The following PLEKHG7 variants were observed in gnomAD, a reference collection of about 807,000 sequenced individuals.
The protein encoded by PLEKHG7 is pleckstrin homology and RhoGEF domain containing G7.
PLEKHG7 carries 77 observed loss-of-function variants against 85.2 expected under a neutral mutation model. The ratio of observed to expected loss-of-function variants is 0.90; its 90% confidence interval spans 0.75 to 1.09. The LOEUF (loss-of-function observed/expected upper bound fraction) is 1.09. PLEKHG7 is among the 50% of genes least tolerant of loss of function. The pLI is 0.00. For missense variants in PLEKHG7, 777 were observed against 804.3 expected (o/e 0.97, Z 0.41); for synonymous variants, 301 against 302.4 (o/e 1.00, Z 0.05).
chr12:92,725,869 A>G (rs1380867728), intron 3 of PLEKHG7, among the ~76,000 whole-genome samples: 1 of 152,206 alleles, frequency 6.6e-6, no homozygotes, highest in Non-Finnish European at 1.5e-5. Context: ...CTCAAAAGTA[A>G]TTGTTCTCTA....
rs1196025219 is a variant in PLEKHG7, at chr12:92,761,627, A to AAAGAAAGAAAG, written c.1637-122_1637-112dup. 15 of 79,364 alleles carry AAAGAAAGAAAG rather than the reference A, an allele frequency of 1.9e-4. No homozygotes were observed. The African/African-American group carries it at 3.6e-3, about 19-fold the overall frequency. 4.9% of individuals were successfully genotyped at this position (79,364 alleles called of 1,614,324 possible). A position where few individuals can be genotyped will look rare whatever the true frequency, so the allele number is the denominator to read the frequency against. On this transcript the variant is annotated intron_variant, in intron 13 of 16. Transcript: ENST00000344636. ...AAAGAAAAAGAAAGAAAGAAAGAAGAAAGAAAGAAAGAAAGAAAGAAAGAA... is the reference window on the plus strand; with the variant it reads ...AAAGAAAAAGAAAGAAAGAAAGAAGAAAGAAAGAAAGAAGAAAGAAAGAAAGAAAGAAAGAA...
intron 3 of PLEKHG7, chr12:92,721,530 G>A (rs1443229532): frequency 3.8e-6 from 4 of 1,058,218 alleles, no homozygotes; most frequent in Non-Finnish European, 4.8e-6. Context: ...CAGGGTTAGT[G>A]AAAGAGTGGC....
intron 10 of PLEKHG7, among the ~76,000 whole-genome samples, chr12:92,751,737 G>T (rs1046735031): frequency 1.3e-5 from 2 of 151,984 alleles, no homozygotes; most frequent in African/African-American, 2.4e-5. Flanking sequence ...AAAACATCCA[G>T]CTGAGCCAGG....
At chr12:92,721,429 G>A in intron 3 of PLEKHG7, 1 of 1,223,426 alleles carries the variant, frequency 8.2e-7, no homozygotes, top group Non-Finnish European at 1.0e-6. Flanking sequence ...ATAGAATAAG[G>A]AGACGTTCTG....
At chr12:92,737,567 G>T (rs1872195242) in intron 7 of PLEKHG7, 46 bp downstream of exon 7, 1 of 1,562,972 alleles carries the variant, frequency 6.4e-7, no homozygotes, top group Non-Finnish European at 8.7e-7. Context: ...ATATTAATTT[G>T]TTTTTTTGGG....
intron 4 of PLEKHG7, among the ~76,000 whole-genome samples, chr12:92,729,828 G>A (rs1288680461): frequency 6.6e-6 from 1 of 152,154 alleles, no homozygotes; most frequent in East Asian, 1.9e-4. Flanking sequence ...TCCAGGTGAA[G>A]TTGCAATGCT....
Position 92,745,508 on chromosome 12 carries a change from C to T in PLEKHG7, c.1168C>T (p.Gln390Ter). 4 of 1,613,930 alleles carry T rather than the reference C, an allele frequency of 2.5e-6. No individual in the cohort carries two copies. Among genetic ancestry groups the T allele is most frequent in the Non-Finnish European group, 3.4e-6 (4 of 1,179,838 alleles). The change falls in exon 10 of 17, where the codon CAG becomes TAG. Residue 390 changes from glutamine to a stop codon, truncating the protein, a stop_gained. Transcript: ENST00000344636. LOFTEE classifies it high-confidence loss of function. ...YFRGSLCQSHQTYCLNYSAAI... is the reference protein window; with the variant it reads ...YFRGSLCQSH ...CCGAGGGAGTCTCTGTCAGAGCCAC[C>T]AGACCTACTGCCTGAACTATTCAGC...
At chr12:92,739,060 A>AG (rs1198245294) in intron 7 of PLEKHG7, among the ~76,000 whole-genome samples, 1 of 152,206 alleles carries the variant, frequency 6.6e-6, no homozygotes, top group Non-Finnish European at 1.5e-5. Context: ...ACAAAACAAA[A>AG]CAAAACAACA....
In PLEKHG7 at chr12:92,764,065, T is replaced by A; in HGVS notation, c.1741T>A (p.Leu581Ile). The A allele has an allele frequency of 6.2e-7, 1 of 1,609,958 alleles. No homozygotes were observed. Among genetic ancestry groups the A allele is most frequent in the Non-Finnish European group, 8.5e-7 (1 of 1,177,834 alleles). The change falls in exon 15 of 17, where the codon TTA becomes ATA. Residue 581 changes from leucine (L) to isoleucine (I), a missense_variant. Coordinates refer to ENST00000344636, the MANE Select transcript of PLEKHG7 (RefSeq NM_001377329.1). ...GAAACTTGGAGGCTCAGACCCTGGT[T>A]TAATGTGTCCTTCTCTTACTCCTGA... Reference protein sequence around the residue: ...KKKLGGSDPGLMCPSLTPELQ... With the variant: ...KKKLGGSDPGIMCPSLTPELQ...
At chr12:92,734,548 C>T (rs572783137) in intron 5 of PLEKHG7, among the ~76,000 whole-genome samples, 2 of 152,288 alleles carry the variant, frequency 1.3e-5, no homozygotes, top group East Asian at 3.9e-4. Flanking sequence ...CCTGAGGACA[C>T]ACAGCTCATA....
At chr12:92,716,300 G>T (rs568429540) in intron 3 of PLEKHG7, among the ~76,000 whole-genome samples, 1 of 152,240 alleles carries the variant, frequency 6.6e-6, no homozygotes, top group South Asian at 2.1e-4. Context: ...TTTCGTCATT[G>T]TTGGCCAGGC....
intron 13 of PLEKHG7, among the ~76,000 whole-genome samples, chr12:92,760,660 A>G (rs1285110210): frequency 6.6e-6 from 1 of 152,102 alleles, no homozygotes; most frequent in Non-Finnish European, 1.5e-5. Context: ...TCTAATTTCT[A>G]AGGGATAGAG....
At chr12:92,735,648 T>C (rs1872123787) in intron 5 of PLEKHG7, among the ~76,000 whole-genome samples, 1 of 152,224 alleles carries the variant, frequency 6.6e-6, no homozygotes, top group African/African-American at 2.4e-5. Flanking sequence ...AAATGAACTC[T>C]TTAAGTGGGC....
intron 3 of PLEKHG7, among the ~76,000 whole-genome samples, chr12:92,721,807 G>A (rs756968319): frequency 6.0e-5 from 9 of 149,926 alleles, no homozygotes; most frequent in East Asian, 2.0e-4. Context: ...GTACTTACAC[G>A]GTGACAATGG....
chr12:92,762,468 G>A (rs1379658393), intron 14 of PLEKHG7, among the ~76,000 whole-genome samples: 1 of 152,126 alleles, frequency 6.6e-6, no homozygotes, highest in African/African-American at 2.4e-5. Context: ...AGGGAATAGG[G>A]ATTTTTTTCA....
rs373190285 is a variant in PLEKHG7 at position 92,707,061 on chromosome 12, T to G, written c.430T>G (p.Ser144Ala). The change falls in exon 2 of 17, where the codon TCC (serine) becomes GCC (alanine). Residue 144 changes from serine to alanine, a missense_variant. Coordinates refer to ENST00000344636, the MANE Select transcript of PLEKHG7 (RefSeq NM_001377329.1). ...PPELQPVNEG[S>A]LHQASLRQQE... ...TGAGCTTCAGCCTGTCAATGAAGGGTCCCTTCACCAGGCCTCTCTTCGGCA... is the reference window on the plus strand; with the variant it reads ...TGAGCTTCAGCCTGTCAATGAAGGGGCCCTTCACCAGGCCTCTCTTCGGCA... 1.9e-6 allele frequency: 3 copies of G among 1,613,174 alleles called. No individual in the cohort carries two copies. The highest frequency in any genetic ancestry group is 2.5e-6 in the Non-Finnish European group (3 of 1,179,880).
chr12:92,706,712 G>A lies in PLEKHG7; in HGVS notation c.81G>A (p.Leu27=), dbSNP rs776348350. ...GASPRPSLRS[L]PKNQGSLLQF... is the part of the protein sequence containing the mutation. ...CTCCTCGGCCCTCGCTGAGGAGCCT[G>A]CCAAAGAACCAGGGGAGTCTCCTCC... The change falls in exon 2 of 17, where the codon CTG becomes CTA. Residue 27 remains leucine (L), a synonymous_variant. Transcript: ENST00000344636. 8 of 1,614,012 alleles carry A rather than the reference G, an allele frequency of 5.0e-6. No individual in the cohort carries two copies. In the African/African-American group the frequency reaches 9.3e-5, roughly 19 times the overall value.
At chr12:92,712,216 G>A (rs1356965747) in intron 3 of PLEKHG7, among the ~76,000 whole-genome samples, 3 of 152,174 alleles carry the variant, frequency 2.0e-5, no homozygotes, top group Non-Finnish European at 4.4e-5. Context: ...ATCTTGCGGA[G>A]GCGAAAAGCG....
rs975767104 is a variant in PLEKHG7, at chr12:92,737,425, C to G, written c.843C>G (p.Thr281=). The change falls in exon 7 of 17, where the codon ACC becomes ACG. Residue 281 remains threonine, a synonymous_variant. Transcript: ENST00000344636. ...EVLETHHKLP[T]DQLDLKKQQE... ...TGGAAACACATCACAAACTCCCGAC[C>G]GATCAATTAGACCTGAAAAAGCAGC... 3.8e-5 allele frequency: 60 copies of G among 1,572,230 alleles called. No homozygotes were observed. The East Asian group carries it at 1.4e-3, about 36-fold the overall frequency.
Sources: gnomAD v4.1 joint callset for allele counts (sites outside exome capture counted in the v4.1 genomes callset) on GRCh38, gnomAD v4.1.1 for gene constraint, MANE v1.5 for transcripts, NCBI Gene and HGNC (gene_info 2026-07-23, HGNC 2026-07-21) for gene names.